The following RASSF5 variants were observed in gnomAD, a reference collection of about 807,000 sequenced individuals.
The protein encoded by RASSF5 is Ras association domain family member 5.
In RASSF5, 25 loss-of-function variants were observed where a neutral mutation model predicts 40.5. The observed-to-expected ratio is 0.62, with a 90% confidence interval of 0.45 to 0.86. RASSF5 has a LOEUF of 0.86. Ranked by LOEUF, RASSF5 falls within the 40% of genes least tolerant of loss-of-function variation. The pLI, the probability that RASSF5 is intolerant of heterozygous loss-of-function variation, is 0.00. For synonymous variants in RASSF5, 246 were observed against 252.4 expected (o/e 0.97, Z 0.24); for missense variants, 521 against 572.8 (o/e 0.91, Z 0.92).
rs782619931 is a variant in RASSF5 at position 206,535,715 on chromosome 1, GGTGTGT to G, written c.458-2433_458-2428del. Among the ~76,000 whole-genome samples, 60 of 145,070 alleles carry G rather than the reference GGTGTGT, an allele frequency of 4.1e-4. 1 individual carries two copies. The highest frequency in any genetic ancestry group is 8.6e-4 in the South Asian group (4 of 4,668). ...TGTGTGTGTGTGTCTGTGTGTGTGT[GGTGTGT>G]GTGTGTGTGTGTGTGTGTGTGTGAG... On this transcript the variant is annotated intron_variant, in intron 1 of 5. Coordinates refer to ENST00000579436, the MANE Select transcript of RASSF5 (RefSeq NM_182663.4). The surrounding 1 kb of genome is among the most constrained non-coding windows in gnomAD (Gnocchi z 5.0).
Position 206,588,440 on chromosome 1 carries a change from G to A in RASSF5, c.*1462G>A, listed in dbSNP as rs141041350. ...ATTCCAACAAGTAGCCAGGACTGCA[G>A]AGACACTCCAGTGCAGAGGGAGAAG... On this transcript the variant is annotated 3_prime_UTR_variant, in exon 6 of 6. Coordinates refer to ENST00000579436, the MANE Select transcript of RASSF5 (RefSeq NM_182663.4). The A allele has an allele frequency of 6.6e-6, 1 of 152,460 alleles. No individual in the cohort carries two copies. The highest frequency in any genetic ancestry group is 2.4e-5 in the African/African-American group (1 of 41,576). 9.4% of individuals were successfully genotyped at this position (152,460 alleles called of 1,614,324 possible).
chr1:206,511,436 C>T (rs1478416323), intron 1 of RASSF5, among the ~76,000 whole-genome samples: 3 of 152,126 alleles, frequency 2.0e-5, no homozygotes, highest in Admixed American at 6.5e-5. Context: ...TTGGTGGCTG[C>T]GTAAGCCATC....
intron 1 of RASSF5, among the ~76,000 whole-genome samples, chr1:206,508,322 C>CCACACACACACACACACA (rs368124193): frequency 1.6e-4 from 24 of 146,516 alleles, no homozygotes; most frequent in African/African-American, 6.0e-4. Context: ...CCTTGGCCCT[C>CCACACACACACACACACA]CACACACACA....
intron 2 of RASSF5, among the ~76,000 whole-genome samples, chr1:206,554,176 TCATAAGGC>T (rs1209420886): frequency 2.6e-5 from 4 of 152,282 alleles, no homozygotes; most frequent in Middle Eastern, 3.4e-3. Flanking sequence ...GATCATAAGG[TCATAAGGC>T]CCTAAATCTG....
chr1:206,548,435 A>T (rs1205159843), intron 2 of RASSF5, among the ~76,000 whole-genome samples: 1 of 152,192 alleles, frequency 6.6e-6, no homozygotes, highest in East Asian at 1.9e-4. Context: ...CAGCTCTCAC[A>T]TGAAGGAACA....
At chr1:206,569,139 A>C (rs543024464) in intron 2 of RASSF5, among the ~76,000 whole-genome samples, 2 of 152,372 alleles carry the variant, frequency 1.3e-5, no homozygotes, top group East Asian at 3.9e-4. Flanking sequence ...CACTGCCATG[A>C]GGCAAATTGA....
intron 2 of RASSF5, among the ~76,000 whole-genome samples, chr1:206,547,647 T>C (rs1667732204): frequency 6.6e-6 from 1 of 152,108 alleles, no homozygotes; most frequent in African/African-American, 2.4e-5. Flanking sequence ...ATAAATGTAA[T>C]GCACTTGAGT....
chr1:206,566,754 G>A (rs1668299195), intron 2 of RASSF5, among the ~76,000 whole-genome samples: 1 of 152,118 alleles, frequency 6.6e-6, no homozygotes, highest in African/African-American at 2.4e-5. Context: ...ATTTCCAGTT[G>A]TAACTCAGAT....
At chr1:206,581,483 C>A (rs1553406320) in intron 2 of RASSF5, among the ~76,000 whole-genome samples, 1 of 152,100 alleles carries the variant, frequency 6.6e-6, no homozygotes, top group East Asian at 1.9e-4. Flanking sequence ...CCTGTAATCC[C>A]AGCTACTTGG....
At chr1:206,575,453 G>C (rs79183123) in intron 2 of RASSF5, among the ~76,000 whole-genome samples, 3,919 of 152,264 alleles carry the variant, frequency 0.026, 73 homozygotes, top group Non-Finnish European at 0.035. Flanking sequence ...TGCGTAGACC[G>C]GCTTGGGCTT....
intron 2 of RASSF5, among the ~76,000 whole-genome samples, chr1:206,554,136 T>G (rs549293825): frequency 2.0e-5 from 3 of 152,290 alleles, no homozygotes; most frequent in Admixed American, 2.0e-4. Flanking sequence ...CTTGCCCTGG[T>G]TTTCAGCCTC....
chr1:206,522,256 A>G (rs1220413389), intron 1 of RASSF5, among the ~76,000 whole-genome samples: 10 of 152,152 alleles, frequency 6.6e-5, no homozygotes, highest in African/African-American at 2.4e-4. Flanking sequence ...CACATGCACA[A>G]ATGAACAACT....
In RASSF5 at chr1:206,589,414, C is replaced by T. The variant is rs1669270428; in HGVS notation, c.*2436C>T. 6.6e-6 allele frequency: 1 copy of T among 152,370 alleles called. No individual in the cohort carries two copies. The highest frequency in any genetic ancestry group is 1.5e-5 in the Non-Finnish European group (1 of 68,030). The allele number at this position is 152,370 out of a possible 1,614,324, so 9.4% of individuals were successfully genotyped here. A position where few individuals can be genotyped will look rare whatever the true frequency, so the allele number is the denominator to read the frequency against. On this transcript the variant is annotated 3_prime_UTR_variant, in exon 6 of 6. Coordinates refer to ENST00000579436, the MANE Select transcript of RASSF5 (RefSeq NM_182663.4). ...TTGCCAGTGAGCAGAGAAATGAAGG[C>T]TACTGTTCAAATAATTTGGGAAAAA...
intron 1 of RASSF5, among the ~76,000 whole-genome samples, chr1:206,528,373 A>G (rs1667150988): frequency 6.6e-6 from 1 of 152,204 alleles, no homozygotes; most frequent in African/African-American, 2.4e-5. Flanking sequence ...CTATGGAAAC[A>G]GTTAAAAGAT....
At chr1:206,557,827 G>T in intron 2 of RASSF5, 1 of 946,956 alleles carries the variant, frequency 1.1e-6, no homozygotes, top group Non-Finnish European at 1.6e-6. Flanking sequence ...GTTGCCCTGA[G>T]GGCTGAGCAT....
At chr1:206,585,400 G>A in intron 5 of RASSF5, 105 bp downstream of exon 5, 1 of 810,674 alleles carries the variant, frequency 1.2e-6, no homozygotes, top group Non-Finnish European at 2.2e-6. Flanking sequence ...ACGCAGCACG[G>A]GCAGGAAGGT....
chr1:206,573,213 C>A (rs1668512351), intron 2 of RASSF5, among the ~76,000 whole-genome samples: 1 of 152,202 alleles, frequency 6.6e-6, no homozygotes, highest in Non-Finnish European at 1.5e-5. Flanking sequence ...GTAATCCCAG[C>A]ACTTTTGGAG....
At chr1:206,511,709 C>T (rs560752752) in intron 1 of RASSF5, among the ~76,000 whole-genome samples, 177 of 152,252 alleles carry the variant, frequency 1.2e-3, no homozygotes, top group African/African-American at 3.8e-3. Context: ...ATGCAGCCCT[C>T]GGGGAAGGGC....
At chr1:206,548,928 C>T (rs138209574) in intron 2 of RASSF5, among the ~76,000 whole-genome samples, 3,609 of 152,110 alleles carry the variant, frequency 0.024, 150 homozygotes, top group African/African-American at 0.083. Context: ...TGCAATGGCG[C>T]GTTCTCGGCT....
Sources: allele counts gnomAD v4.1 joint callset (sites outside exome capture counted in the v4.1 genomes callset), GRCh38; gene constraint gnomAD v4.1.1; non-coding constraint Gnocchi (gnomAD v3.1); transcripts MANE v1.5; gene names NCBI Gene and HGNC (gene_info 2026-07-23, HGNC 2026-07-21).